The following STEAP3 variants were observed in gnomAD, a reference collection of about 807,000 sequenced individuals.
The protein encoded by STEAP3 is STEAP3 metalloreductase, also known as metalloreductase STEAP3.
STEAP3 carries 35 observed loss-of-function variants against 34.9 expected under a neutral mutation model. The ratio of observed to expected loss-of-function variants is 1.00; its 90% CI spans 0.76 to 1.33. STEAP3 has a LOEUF of 1.33. Ranked by LOEUF, STEAP3 falls within the 40% of genes most tolerant of loss-of-function variation. STEAP3 has a pLI of 0.00. For synonymous variants in STEAP3, 281 were observed against 301.6 expected (o/e 0.93, Z 0.71); for missense variants, 652 against 667.6 (o/e 0.98, Z 0.26).
chr2:119,251,062 C>T (rs1234639144), intron 4 of STEAP3, among the ~76,000 whole-genome samples: 1 of 152,170 alleles, frequency 6.6e-6, no homozygotes, highest in Admixed American at 6.5e-5. Context: ...AGCCTGGGCA[C>T]ATCCAAGCAG....
intron 1 of STEAP3, among the ~76,000 whole-genome samples, chr2:119,225,615 A>G (rs906344732): frequency 6.6e-6 from 1 of 152,250 alleles, no homozygotes; most frequent in South Asian, 2.1e-4. Context: ...TGGACTTATC[A>G]GAGACCAAGG....
At chr2:119,246,181 G>A (rs535382822) in intron 3 of STEAP3, 193 bp downstream of exon 3, 22 of 805,904 alleles carry the variant, frequency 2.7e-5, no homozygotes, top group Non-Finnish European at 3.8e-5. Context: ...TAGCTGGTAA[G>A]TTGGGATTTG....
At chr2:119,247,327 C>T (rs1021288087) in intron 3 of STEAP3, among the ~76,000 whole-genome samples, 1 of 152,218 alleles carries the variant, frequency 6.6e-6, no homozygotes, top group African/African-American at 2.4e-5. Context: ...GGGCAGGCCA[C>T]GGCCTTGGAG....
At chr2:119,243,567 T>C (rs952166159) in intron 2 of STEAP3, among the ~76,000 whole-genome samples, 2 of 152,212 alleles carry the variant, frequency 1.3e-5, no homozygotes, top group Admixed American at 6.5e-5. Flanking sequence ...CAGAGGCCCA[T>C]CACCCGAGGA....
At chr2:119,231,138 T>C (rs1317796881) in intron 2 of STEAP3, 104 bp downstream of exon 2, 13 of 1,505,138 alleles carry the variant, frequency 8.6e-6, no homozygotes, top group Non-Finnish European at 1.1e-5. Flanking sequence ...AGGGTGCCCC[T>C]TGAATCTCCA....
intron 1 of STEAP3, among the ~76,000 whole-genome samples, chr2:119,227,687 G>A (rs944160320): frequency 2.6e-5 from 4 of 152,166 alleles, no homozygotes; most frequent in Admixed American, 6.5e-5. Flanking sequence ...AGAGATTTGG[G>A]GTCGGTGAAT....
chr2:119,227,279 A>G (rs1171634505), intron 1 of STEAP3, among the ~76,000 whole-genome samples: 1 of 152,178 alleles, frequency 6.6e-6, no homozygotes, highest in Admixed American at 6.5e-5. Context: ...ATCAGGGCTG[A>G]TGGGCGACTG....
intron 5 of STEAP3, among the ~76,000 whole-genome samples, chr2:119,261,670 G>C (rs1024443776): frequency 1.3e-5 from 2 of 152,154 alleles, no homozygotes; most frequent in Non-Finnish European, 2.9e-5. Context: ...TAAGTCGCCT[G>C]CCCAGGGTTC....
intron 2 of STEAP3, among the ~76,000 whole-genome samples, chr2:119,242,305 G>T (rs999661832): frequency 1.3e-5 from 2 of 152,182 alleles, no homozygotes; most frequent in African/African-American, 4.8e-5. Context: ...CCCCATCAGG[G>T]CAAAACTCCC....
chr2:119,232,281 G>A (rs556687139), intron 2 of STEAP3, among the ~76,000 whole-genome samples: 11 of 152,268 alleles, frequency 7.2e-5, no homozygotes, highest in African/African-American at 2.6e-4. Flanking sequence ...GCAGGCAAGA[G>A]CCAACTCGGG....
At chr2:119,228,965 G>A (rs544972731) in intron 1 of STEAP3, among the ~76,000 whole-genome samples, 18 of 152,082 alleles carry the variant, frequency 1.2e-4, no homozygotes, top group Middle Eastern at 3.2e-3. Context: ...CCTCAGGTGC[G>A]GTTTCCTCAC....
In STEAP3 at chr2:119,230,354, GGTCTGTCT is replaced by G. The variant is rs58105709; in HGVS notation, c.-393-250_-393-243del. Among the ~76,000 whole-genome samples, 385 of 152,042 alleles carry G rather than the reference GGTCTGTCT, an allele frequency of 2.5e-3. 2 individuals carry two copies. Among genetic ancestry groups the G allele is most frequent in the African/African-American group, 8.8e-3 (363 of 41,478 alleles). ...AGACAAGTGCTGTCATCTGTTTGTG[GGTCTGTCT>G]GTCTGTCTGTCTGTCCGTCTTTCTC... On this transcript the variant is annotated intron_variant, in intron 1 of 5. Transcript: ENST00000393110.
At chr2:119,240,326 G>A (rs191897633) in intron 2 of STEAP3, among the ~76,000 whole-genome samples, 134 of 152,370 alleles carry the variant, frequency 8.8e-4, no homozygotes, top group African/African-American at 3.0e-3. Context: ...CATGGGAGGC[G>A]TGCGAGGCAC....
intron 2 of STEAP3, among the ~76,000 whole-genome samples, chr2:119,240,236 TA>T (rs986773765): frequency 6.6e-6 from 1 of 152,168 alleles, no homozygotes; most frequent in Non-Finnish European, 1.5e-5. Flanking sequence ...AACAAAAATT[TA>T]AAAAAATTGA....
At chr2:119,230,089 C>T (rs553079743) in intron 1 of STEAP3, among the ~76,000 whole-genome samples, 13 of 152,116 alleles carry the variant, frequency 8.5e-5, no homozygotes, top group Non-Finnish European at 1.5e-4. Flanking sequence ...TAAAGATGCC[C>T]GGGATACTTA....
At chr2:119,225,816 CT>C (rs1451102216) in intron 1 of STEAP3, among the ~76,000 whole-genome samples, 1 of 152,246 alleles carries the variant, frequency 6.6e-6, no homozygotes, top group African/African-American at 2.4e-5. Flanking sequence ...CTCTGAACCT[CT>C]GTTTATTTGC....
At chr2:119,224,931 A>T (rs1006097198) in intron 1 of STEAP3, among the ~76,000 whole-genome samples, 7 of 152,218 alleles carry the variant, frequency 4.6e-5, no homozygotes, top group Non-Finnish European at 7.3e-5. Flanking sequence ...TTTTGCAAGG[A>T]TACACAGCTA....
At chr2:119,231,336 C>T (rs1676927347) in intron 2 of STEAP3, among the ~76,000 whole-genome samples, 1 of 109,578 alleles carries the variant, frequency 9.1e-6, no homozygotes, top group African/African-American at 3.2e-5. Flanking sequence ...TTATCACACA[C>T]AGTTGCGTGT....
intron 2 of STEAP3, among the ~76,000 whole-genome samples, chr2:119,234,088 C>T (rs1402066495): frequency 6.6e-6 from 1 of 152,216 alleles, no homozygotes; most frequent in Non-Finnish European, 1.5e-5. Context: ...CATCCCTAAG[C>T]CCAAAAATCA....
Sources: gnomAD v4.1 joint callset for allele counts (sites outside exome capture counted in the v4.1 genomes callset) on GRCh38, gnomAD v4.1.1 for gene constraint, MANE v1.5 for transcripts, NCBI Gene and HGNC (gene_info 2026-07-23, HGNC 2026-07-21) for gene names.